Variants in XIRP2 observed in about 807,000 individuals in gnomAD.
XIRP2 encodes the protein xin actin-binding repeat-containing protein 2.
Under a neutral mutation model 277.0 loss-of-function variants are expected in XIRP2, and 236 were observed. The observed-to-expected ratio is 0.85, with a 90% CI of 0.77 to 0.95. XIRP2 has a LOEUF of 0.95. Among genes scored for constraint, XIRP2 ranks in the 40% least tolerant of loss-of-function variants. XIRP2 has a pLI of 0.00. For synonymous variants in XIRP2, 1,490 were observed against 1,416.5 expected (o/e 1.05, Z -1.17); for missense variants, 4,640 against 4,157.5 (o/e 1.12, Z -3.19).
chr2:167,085,853 G>A (rs1019914264), intron 2 of XIRP2, among the ~76,000 whole-genome samples: 1 of 152,104 alleles, frequency 6.6e-6, no homozygotes, highest in Non-Finnish European at 1.5e-5. Flanking sequence ...TGTGAGATGG[G>A]TTTCCTGAAT....
intron 2 of XIRP2, among the ~76,000 whole-genome samples, chr2:167,114,126 A>G (rs1020404444): frequency 9.2e-5 from 14 of 152,174 alleles, no homozygotes; most frequent in Non-Finnish European, 1.8e-4. Context: ...TTCTTCTGCA[A>G]CATCTTGCAG....
rs749878243 is a variant in XIRP2 at position 167,250,378 on chromosome 2, G to T, written c.8986G>T (p.Ala2996Ser). 4.2e-5 allele frequency: 68 copies of T among 1,613,398 alleles called. No homozygotes were observed. Among genetic ancestry groups the T allele is most frequent in the Non-Finnish European group, 5.4e-5 (64 of 1,179,686 alleles). Reference sequence around the variant, plus strand: ...GATAAGTGAAGATAAGAGAGAATATGCAGTTCACATTGCCATGGAGAATAA... The same window carrying T: ...GATAAGTGAAGATAAGAGAGAATATTCAGTTCACATTGCCATGGAGAATAA... ...WLISEDKREY[A>S]VHIAMENNLE... The change falls in exon 9 of 11, where the codon GCA (alanine) becomes TCA (serine). Residue 2996 changes from alanine (A) to serine (S), a missense_variant. Ala to Ser is a moderately conservative substitution (Grantham distance 99). Coordinates refer to ENST00000409195, the MANE Select transcript of XIRP2 (RefSeq NM_152381.6).
chr2:166,973,958 C>T (rs1686645460), intron 2 of XIRP2, among the ~76,000 whole-genome samples: 1 of 152,148 alleles, frequency 6.6e-6, no homozygotes, highest in African/African-American at 2.4e-5. Flanking sequence ...ATTAAGGGGT[C>T]TAGTCTCAGC....
rs375925351 is a variant in XIRP2, at chr2:167,247,910, G to C, written c.6518G>C (p.Gly2173Ala). The C allele has an allele frequency of 6.2e-7, 1 of 1,613,276 alleles. No homozygotes were observed. Among genetic ancestry groups the C allele is most frequent in the Non-Finnish European group, 8.5e-7 (1 of 1,179,744 alleles). The change falls in exon 9 of 11, where the codon GGA (glycine) becomes GCA (alanine). Residue 2173 changes from glycine (G) to alanine (A), a missense_variant. By Grantham distance (60) the Gly-to-Ala change is moderately conservative. Coordinates refer to ENST00000409195, the MANE Select transcript of XIRP2 (RefSeq NM_152381.6). ...PTQHPVSMPV[G>A]GTYDLSGDFQ... ...CAGCATCCAGTCAGCATGCCAGTTG[G>C]AGGAACTTACGACCTTTCAGGGGAC...
chr2:166,973,853 C>A (rs1686641664), intron 2 of XIRP2, among the ~76,000 whole-genome samples: 1 of 152,062 alleles, frequency 6.6e-6, no homozygotes, highest in African/African-American at 2.4e-5. Flanking sequence ...ATAGATGATT[C>A]CATTAATTTT....
Position 167,250,969 on chromosome 2 carries a change from T to C in XIRP2, c.9577T>C (p.Ser3193Pro). Residue 3193 changes from serine to proline, a missense_variant, in exon 9 of 11, where the codon TCC becomes CCC. Transcript: ENST00000409195. ...ACTCAAAGACACCACTGCAAAGTTA[T>C]CCAAAGGGGCCATCCCATGTCCAGC... Reference protein sequence around the residue: ...VRLKDTTAKLSKGAIPCPAAT... With the variant: ...VRLKDTTAKLPKGAIPCPAAT... 3 of 1,613,626 alleles carry C rather than the reference T, an allele frequency of 1.9e-6. No individual in the cohort carries two copies. The highest frequency in any genetic ancestry group is 2.5e-6 in the Non-Finnish European group (3 of 1,179,732).
chr2:166,906,987 A>C (rs1212298996), intron 2 of XIRP2, among the ~76,000 whole-genome samples: 3 of 152,288 alleles, frequency 2.0e-5, no homozygotes, highest in Non-Finnish European at 2.9e-5. Flanking sequence ...TACCTAAAAC[A>C]GTCACTATTT....
intron 3 of XIRP2, among the ~76,000 whole-genome samples, chr2:167,185,231 C>A (rs900439208): frequency 2.0e-5 from 3 of 152,004 alleles, no homozygotes; most frequent in Non-Finnish European, 4.4e-5. Context: ...TTTATGTGTG[C>A]TCCTGTAGAT....
In XIRP2 at chr2:167,245,328, C is replaced by T. The variant is rs1360210497; in HGVS notation, c.3936C>T (p.Tyr1312=). ...TAATACAGGGTGATGTAAAAAGCTA[C>T]AGAATGCTCTTTGAAACCCAGCCAC... The part of the protein sequence containing the change: ...EEVIQGDVKS[Y]RMLFETQPLY... The change falls in exon 9 of 11, where the codon TAC becomes TAT. Residue 1312 remains tyrosine (Y), a synonymous_variant. Coordinates refer to ENST00000409195, the MANE Select transcript of XIRP2 (RefSeq NM_152381.6). The T allele has an allele frequency of 6.2e-7, 1 of 1,613,468 alleles. No homozygotes were observed. Among genetic ancestry groups the T allele is most frequent in the Non-Finnish European group, 8.5e-7 (1 of 1,179,720 alleles).
chr2:167,148,417 G>GAGAAAGAAAGAAAGAGAAAGAAAGAA (rs1558997092), intron 3 of XIRP2, among the ~76,000 whole-genome samples: 2 of 130,922 alleles, frequency 1.5e-5, no homozygotes, highest in Non-Finnish European at 3.2e-5. Context: ...GAAAGAAAGA[G>GAGAAAGAAAGAAAGAGAAAGAAAGAA]AGAAAGAAAG....
intron 2 of XIRP2, among the ~76,000 whole-genome samples, chr2:166,974,290 T>C (rs1186931675): frequency 3.9e-5 from 6 of 152,112 alleles, no homozygotes; most frequent in Non-Finnish European, 7.4e-5. Flanking sequence ...AATCCTTCAG[T>C]ATGAAGAAAA....
chr2:167,255,930 T>A (rs1435507868), intron 10 of XIRP2, among the ~76,000 whole-genome samples: 2 of 151,932 alleles, frequency 1.3e-5, no homozygotes, highest in Admixed American at 1.3e-4. Context: ...TATTCTTTGA[T>A]ACATTATTTT....
intron 2 of XIRP2, among the ~76,000 whole-genome samples, chr2:166,914,741 A>C (rs898890233): frequency 6.6e-6 from 1 of 152,204 alleles, no homozygotes. Flanking sequence ...AACATTGTTT[A>C]AAAATGGTTG....
intron 2 of XIRP2, among the ~76,000 whole-genome samples, chr2:166,909,548 C>G (rs1684640043): frequency 6.6e-6 from 1 of 152,218 alleles, no homozygotes; most frequent in Admixed American, 6.5e-5. Context: ...GATATACAAT[C>G]AGGTCATCTG....
chr2:167,145,660 T>C (rs997757869), intron 3 of XIRP2, among the ~76,000 whole-genome samples: 5 of 152,212 alleles, frequency 3.3e-5, no homozygotes, highest in African/African-American at 1.2e-4. Flanking sequence ...CTCAGGATGC[T>C]AGAAGGAAGC....
chr2:166,966,229 C>G (rs956925084), intron 2 of XIRP2, among the ~76,000 whole-genome samples: 1 of 151,674 alleles, frequency 6.6e-6, no homozygotes, highest in African/African-American at 2.4e-5. Flanking sequence ...TTTGCATTCT[C>G]AATATATTTT....
At chr2:167,189,900 A>C (rs1047582668) in intron 3 of XIRP2, among the ~76,000 whole-genome samples, 3 of 152,162 alleles carry the variant, frequency 2.0e-5, no homozygotes, top group African/African-American at 7.2e-5. Flanking sequence ...CCACTAATGG[A>C]GTGCCCAGGC....
intron 7 of XIRP2, among the ~76,000 whole-genome samples, chr2:167,241,354 T>C (rs1039028944): frequency 7.2e-5 from 11 of 152,222 alleles, no homozygotes; most frequent in African/African-American, 2.7e-4. Flanking sequence ...TCTTGTTTTA[T>C]ACATTTTATT....
chr2:167,185,907 A>C (rs141005417), intron 3 of XIRP2, among the ~76,000 whole-genome samples: 1 of 152,172 alleles, frequency 6.6e-6, no homozygotes, highest in African/African-American at 2.4e-5. Flanking sequence ...GAATAAAGTG[A>C]AGCTTAGACA....
Sources: allele counts gnomAD v4.1 joint callset (sites outside exome capture counted in the v4.1 genomes callset), GRCh38; gene constraint gnomAD v4.1.1; transcripts MANE v1.5; gene names NCBI Gene and HGNC (gene_info 2026-07-23, HGNC 2026-07-21).